The following PLGRKT variants were observed in gnomAD, a reference collection of about 807,000 sequenced individuals.
The protein encoded by PLGRKT is plasminogen receptor with a C-terminal lysine, also known as plasminogen receptor (KT).
A neutral mutation model predicts 18.5 loss-of-function variants in PLGRKT; 22 were observed. The observed-to-expected ratio is 1.19, with a 90% CI of 0.85 to 1.70. The LOEUF (loss-of-function observed/expected upper bound fraction) is 1.70. Ranked by LOEUF, PLGRKT falls within the 40% of genes most tolerant of loss-of-function variation. The pLI is 0.00. For missense variants in PLGRKT, 235 were observed against 174.4 expected (o/e 1.35, Z -1.96); for synonymous variants, 72 against 52.8 (o/e 1.36, Z -1.58).
chr9:5,364,379 G>C (rs551523843), intron 3 of PLGRKT, among the ~76,000 whole-genome samples: 1 of 152,338 alleles, frequency 6.6e-6, no homozygotes, highest in Admixed American at 6.5e-5. Flanking sequence ...ATTGTGAGCA[G>C]AGGGGCTTTC....
At chr9:5,430,978 T>C (rs1342872534) in intron 3 of PLGRKT, among the ~76,000 whole-genome samples, 1 of 152,354 alleles carries the variant, frequency 6.6e-6, no homozygotes, top group Non-Finnish European at 1.5e-5. Context: ...AGTTTCCTAT[T>C]GCTGCAGTAA....
chr9:5,409,515 T>C (rs776691356), intron 3 of PLGRKT, among the ~76,000 whole-genome samples: 14 of 152,146 alleles, frequency 9.2e-5, no homozygotes, highest in Non-Finnish European at 1.8e-4. Flanking sequence ...ATCGTGTGAG[T>C]TAATACTTAA....
chr9:5,423,074 A>G (rs1818608357), intron 3 of PLGRKT, among the ~76,000 whole-genome samples: 2 of 152,194 alleles, frequency 1.3e-5, no homozygotes, highest in East Asian at 3.8e-4. Context: ...TTCTGAAGAT[A>G]TGGCTCCATA....
chr9:5,376,154 GAGAC>G (rs902424263), intron 3 of PLGRKT, among the ~76,000 whole-genome samples: 2 of 152,132 alleles, frequency 1.3e-5, no homozygotes, highest in Non-Finnish European at 2.9e-5. Flanking sequence ...TTAATAGAGA[GAGAC>G]AGAAAGGAGA....
intron 3 of PLGRKT, among the ~76,000 whole-genome samples, chr9:5,427,773 C>T (rs1164939735): frequency 6.6e-6 from 1 of 152,130 alleles, no homozygotes; most frequent in Non-Finnish European, 1.5e-5. Context: ...GTGAGATGCT[C>T]ATAGAAATAT....
intron 3 of PLGRKT, among the ~76,000 whole-genome samples, chr9:5,420,590 T>G (rs1818557104): frequency 6.6e-6 from 1 of 152,158 alleles, no homozygotes; most frequent in South Asian, 2.1e-4. Context: ...CTCGGTGAAC[T>G]TGTGTTGGCC....
chr9:5,437,717 C>G (rs1299155588), intron 1 of PLGRKT, 72 bp downstream of exon 1: 1 of 152,274 alleles, frequency 6.6e-6, no homozygotes, highest in African/African-American at 2.4e-5. Context: ...GCCCGGAGCC[C>G]AGGAGATCGC....
chr9:5,434,668 G>A (rs1346548806), intron 2 of PLGRKT, among the ~76,000 whole-genome samples: 25 of 145,800 alleles, frequency 1.7e-4, no homozygotes, highest in African/African-American at 6.1e-4. Context: ...ACCGCTGCCC[G>A]GCCGCCACCC....
In PLGRKT at chr9:5,418,712, C is replaced by A; in HGVS notation, c.81+13185G>T. ...CCACTGCCGGGAAGTCTGATGAAGA[C>A]CGGCATGTGCTCCGAAGCGTGTGGA... On this transcript the variant is annotated intron_variant, in intron 3 of 5. Coordinates refer to ENST00000223864, the MANE Select transcript of PLGRKT (RefSeq NM_018465.4). This position sits in a 1 kb window ranked among gnomAD's most constrained non-coding sequence, Gnocchi z 4.2. 1.5e-6 allele frequency: 1 copy of A among 665,306 alleles called. No homozygotes were observed. The highest frequency in any genetic ancestry group is 2.8e-6 in the Non-Finnish European group (1 of 358,418). 41.2% of individuals were successfully genotyped at this position (665,306 alleles called of 1,614,324 possible).
intron 3 of PLGRKT, among the ~76,000 whole-genome samples, chr9:5,408,410 C>T (rs773122757): frequency 4.6e-5 from 7 of 152,164 alleles, no homozygotes; most frequent in Admixed American, 1.3e-4. Flanking sequence ...AAGGGATATG[C>T]GCAACTTCGA....
Position 5,358,190 on chromosome 9 carries a change from A to C in PLGRKT, c.*49T>G, listed in dbSNP as rs1422117546. 1 of 1,451,306 alleles carries C rather than the reference A, an allele frequency of 6.9e-7. No homozygotes were observed. Among genetic ancestry groups the C allele is most frequent in the Non-Finnish European group, 9.5e-7 (1 of 1,053,152 alleles). 89.9% of individuals were successfully genotyped at this position (1,451,306 alleles called of 1,614,324 possible). On this transcript the variant is annotated 3_prime_UTR_variant, in exon 6 of 6. Transcript: ENST00000223864. ...CATTTAAAAAACTGTAAAAACCATG[A>C]TTCAAGTCAATAATTCTGTGCTTTG... is the stretch of plus-strand genomic sequence containing the variant.
chr9:5,429,788 T>A (rs756807675), intron 3 of PLGRKT, among the ~76,000 whole-genome samples: 2 of 152,196 alleles, frequency 1.3e-5, no homozygotes, highest in Non-Finnish European at 2.9e-5. Context: ...AGGAGACACA[T>A]TTCAACCCAT....
chr9:5,431,992 T>TA lies in PLGRKT; in HGVS notation c.-6-10dup, dbSNP rs755099610. 68 of 1,259,420 alleles carry TA rather than the reference T, an allele frequency of 5.4e-5. No homozygotes were observed. The highest frequency in any genetic ancestry group is 7.0e-5 in the Non-Finnish European group (60 of 860,760). 78.0% of individuals were successfully genotyped at this position (1,259,420 alleles called of 1,614,324 possible). Reference sequence around the variant, plus strand: ...ATAAACCCCATTTTGACCTAAAATGTAAAAAAAGCAAGGAGACTTATAATA... The same window carrying TA: ...ATAAACCCCATTTTGACCTAAAATGTAAAAAAAAGCAAGGAGACTTATAATA... On this transcript the variant is annotated splice_polypyrimidine_tract_variant and intron_variant, in intron 2 of 5. Transcript: ENST00000223864.
chr9:5,432,481 T>C (rs1015702015), intron 2 of PLGRKT, among the ~76,000 whole-genome samples: 4 of 152,148 alleles, frequency 2.6e-5, no homozygotes, highest in Admixed American at 2.0e-4. Context: ...TTAAGAAGAT[T>C]GAGCTCTCCC....
chr9:5,401,839 T>G (rs957590072), intron 3 of PLGRKT, among the ~76,000 whole-genome samples: 1 of 151,944 alleles, frequency 6.6e-6, no homozygotes, highest in African/African-American at 2.4e-5. Context: ...CCAAAGGCGG[T>G]GTCAAGGGGA....
chr9:5,387,194 G>A (rs142868336), intron 3 of PLGRKT, among the ~76,000 whole-genome samples: 1 of 151,966 alleles, frequency 6.6e-6, no homozygotes. Flanking sequence ...AGGAGTATAG[G>A]GTCTCGTAGG....
intron 3 of PLGRKT, among the ~76,000 whole-genome samples, chr9:5,388,800 G>A (rs997021639): frequency 1.3e-5 from 2 of 152,030 alleles, no homozygotes; most frequent in South Asian, 2.1e-4. Flanking sequence ...TACAAAGTGG[G>A]AATAATAAAA....
chr9:5,403,695 C>A (rs946798775), intron 3 of PLGRKT, among the ~76,000 whole-genome samples: 5 of 152,150 alleles, frequency 3.3e-5, no homozygotes, highest in African/African-American at 1.2e-4. Context: ...AACTTCTATC[C>A]TGGAAGCAAA....
intron 3 of PLGRKT, among the ~76,000 whole-genome samples, chr9:5,420,487 G>A (rs898100672): frequency 1.3e-5 from 2 of 152,154 alleles, no homozygotes; most frequent in Admixed American, 1.3e-4. Context: ...GGCAGGTAGT[G>A]GGGACAGGAG....
Sources: allele counts gnomAD v4.1 joint callset (sites outside exome capture counted in the v4.1 genomes callset), GRCh38; gene constraint gnomAD v4.1.1; non-coding constraint Gnocchi (gnomAD v3.1); transcripts MANE v1.5; gene names NCBI Gene and HGNC (gene_info 2026-07-23, HGNC 2026-07-21).